The following NOL8 variants were observed in gnomAD, a reference collection of about 807,000 sequenced individuals.
NOL8 encodes nucleolar protein Nop132.
NOL8 carries 93 observed loss-of-function variants against 116.1 expected under a neutral mutation model. That is an observed-to-expected ratio of 0.80 (90% CI 0.68 to 0.95). The LOEUF is 0.95. Ranked by LOEUF, NOL8 falls within the 40% of genes least tolerant of loss-of-function variation. The probability of loss-of-function intolerance (pLI) is 0.00; values close to 1 mark genes in which losing one functional copy is unlikely to be tolerated. For missense variants in NOL8, 1,291 were observed against 1,382.8 expected (o/e 0.93, Z 1.05); for synonymous variants, 419 against 469.0 (o/e 0.89, Z 1.38).
At chr9:92,301,037 T>G (rs890145751) in intron 13 of NOL8, among the ~76,000 whole-genome samples, 1 of 152,214 alleles carries the variant, frequency 6.6e-6, no homozygotes, top group Admixed American at 6.5e-5. Flanking sequence ...GTAAGCCTCT[T>G]GAAATGAAAT....
intron 14 of NOL8, 126 bp downstream of exon 14, chr9:92,299,760 AAAAT>A (rs1837566834): frequency 2.4e-5 from 25 of 1,042,374 alleles, no homozygotes; most frequent in South Asian, 3.4e-5. Flanking sequence ...TCAAAAAAAA[AAAAT>A]AAAATAAAAA....
At chr9:92,312,446 TAAAAAAAAA>T (rs34116665) in intron 7 of NOL8, among the ~76,000 whole-genome samples, 105 of 57,560 alleles carry the variant, frequency 1.8e-3, no homozygotes, top group African/African-American at 7.2e-3. Context: ...TGAGACCCTG[TAAAAAAAAA>T]AAAAAAAAAA....
chr9:92,310,127 G>A (rs1271248602), intron 10 of NOL8, 44 bp downstream of exon 10: 7 of 1,382,950 alleles, frequency 5.1e-6, no homozygotes, highest in Non-Finnish European at 6.1e-6. Context: ...ATTTCTCAGT[G>A]TCCCCAGATA....
intron 11 of NOL8, among the ~76,000 whole-genome samples, chr9:92,306,535 A>G (rs982257008): frequency 2.6e-5 from 4 of 152,288 alleles, no homozygotes; most frequent in African/African-American, 9.6e-5. Context: ...TGTACAGGTA[A>G]TGATGGTATA....
chr9:92,313,470 G>A (rs1005897652), intron 7 of NOL8, among the ~76,000 whole-genome samples: 2 of 152,206 alleles, frequency 1.3e-5, no homozygotes, highest in Non-Finnish European at 2.9e-5. Flanking sequence ...GATGGCCTTT[G>A]AGGTGTAGTT....
chr9:92,309,573 T>C (rs1838580784), intron 10 of NOL8, among the ~76,000 whole-genome samples: 1 of 151,860 alleles, frequency 6.6e-6, no homozygotes, highest in Non-Finnish European at 1.5e-5. Context: ...GCCAGCGACG[T>C]AAGAGGTAAG....
chr9:92,325,083 C>T (rs1840346991), intron 1 of NOL8: 1 of 152,218 alleles, frequency 6.6e-6, no homozygotes, highest in African/African-American at 2.4e-5. Context: ...TCAGCTCTCG[C>T]CCTTCCCTTC....
intron 15 of NOL8, 192 bp from the exon 16 acceptor site, chr9:92,298,528 A>G (rs1425742196): frequency 2.1e-5 from 11 of 526,364 alleles, no homozygotes; most frequent in African/African-American, 3.9e-5. Context: ...CTGTTTATAT[A>G]TATCATTTAC....
intron 7 of NOL8, among the ~76,000 whole-genome samples, chr9:92,312,009 T>C (rs1279129809): frequency 7.2e-5 from 11 of 152,170 alleles, no homozygotes; most frequent in Non-Finnish European, 1.5e-4. Context: ...CCATGAAATA[T>C]TATGCAGTCA....
Position 92,298,342 on chromosome 9 carries a change from A to G in NOL8, c.3374-6T>C. ...TCTCCAGAATAAGTCAGAACCTATT[A>G]GGGGAAAAAGAAGAAAGATGAGGCA... On this transcript the variant is annotated splice_polypyrimidine_tract_variant and splice_region_variant and intron_variant, in intron 15 of 16. Transcript: ENST00000442668. 6.3e-7 allele frequency: 1 copy of G among 1,585,670 alleles called. No individual in the cohort carries two copies. The highest frequency in any genetic ancestry group is 1.2e-5 in the South Asian group (1 of 86,336).
chr9:92,314,390 C>T lies in NOL8; in HGVS notation c.2235G>A (p.Ser745=), dbSNP rs369695092. The T allele has an allele frequency of 1.9e-5, 31 of 1,613,534 alleles. No homozygotes were observed. The highest frequency in any genetic ancestry group is 4.5e-5 in the East Asian group (2 of 44,880). The change falls in exon 7 of 17, where the codon TCG becomes TCA. Residue 745 remains serine (S), a synonymous_variant. Transcript: ENST00000442668. The part of the protein sequence containing the change: ...KTDFSLSISN[S]SDVSAKDKHA... ...GCTTATCTTTAGCACTCACATCTGA[C>T]GAATTACTAATAGAAAGTGAGAAAT...
At chr9:92,300,477 A>G in intron 13 of NOL8, 2 of 988,372 alleles carry the variant, frequency 2.0e-6, no homozygotes, top group East Asian at 1.1e-4. Flanking sequence ...TGGAAAAACT[A>G]CTGCTATAAG....
chr9:92,307,157 T>C (rs1838342973), intron 10 of NOL8, 133 bp from the exon 11 acceptor site: 1 of 869,244 alleles, frequency 1.2e-6, no homozygotes, highest in Non-Finnish European at 1.7e-6. Flanking sequence ...TAACCTCATT[T>C]CACTAACCTC....
chr9:92,300,524 C>T, intron 13 of NOL8: 1 of 990,416 alleles, frequency 1.0e-6, no homozygotes, highest in Non-Finnish European at 1.2e-6. Flanking sequence ...CAAAATTTCC[C>T]AAGTACTTAA....
At position 92,316,622 on chromosome 9, in the gene NOL8, C is replaced by T. The variant is rs113349336; in HGVS notation, c.487-484G>A. ...GATTCTCCTAGCTGAATAACATCCA[C>T]TTCACATGAACTCACTCTCTGCAAC... is the stretch of plus-strand genomic sequence containing the variant. On this transcript the variant is annotated intron_variant, in intron 6 of 16. Coordinates refer to ENST00000442668, the MANE Select transcript of NOL8 (RefSeq NM_017948.6). Among the ~76,000 whole-genome samples the T allele has an allele frequency of 3.9e-5, 6 of 152,232 alleles. 1 individual carries two copies. The highest frequency in any genetic ancestry group is 1.4e-4 in the African/African-American group (6 of 41,542).
At chr9:92,319,916 C>T (rs1839780217) in intron 4 of NOL8, 1 of 383,184 alleles carries the variant, frequency 2.6e-6, no homozygotes, top group Non-Finnish European at 5.2e-6. Context: ...AGTCAGTCTC[C>T]CAAATCCCTG....
chr9:92,325,172 C>T (rs1840360383), intron 1 of NOL8, 134 bp downstream of exon 1: 1 of 152,046 alleles, frequency 6.6e-6, no homozygotes, highest in South Asian at 2.1e-4. Context: ...GGCAGAACTT[C>T]GGCCTACCTC....
chr9:92,301,508 C>A, intron 13 of NOL8, 43 bp downstream of exon 13: 1 of 1,448,826 alleles, frequency 6.9e-7, no homozygotes, highest in Admixed American at 2.5e-5. Context: ...CAATTAAGTT[C>A]AAACTGAATA....
At chr9:92,299,690 T>G (rs1382575294) in intron 14 of NOL8, among the ~76,000 whole-genome samples, 200 bp downstream of exon 14, 1 of 151,462 alleles carries the variant, frequency 6.6e-6, no homozygotes, top group Non-Finnish European at 1.5e-5. Flanking sequence ...AGGCGGAGGT[T>G]GCAGTGAGCT....
Sources: allele counts gnomAD v4.1 joint callset (sites outside exome capture counted in the v4.1 genomes callset), GRCh38; gene constraint gnomAD v4.1.1; transcripts MANE v1.5; gene names NCBI Gene and HGNC (gene_info 2026-07-23, HGNC 2026-07-21).